The following C13orf42 variants were observed in gnomAD, a reference collection of about 807,000 sequenced individuals.
The protein encoded by C13orf42 is chromosome 13 open reading frame 42.
chr13:51,089,318 G>A (rs1566122764), intron 1 of C13orf42, among the ~76,000 whole-genome samples: 1 of 152,148 alleles, frequency 6.6e-6, no homozygotes, highest in African/African-American at 2.4e-5. Context: ...AGAGGAAGAT[G>A]TTGAAGGACC....
chr13:51,166,481 A>C, intron 1 of C13orf42, among the ~76,000 whole-genome samples: 1 of 144,962 alleles, frequency 6.9e-6, no homozygotes, highest in Non-Finnish European at 1.5e-5. Flanking sequence ...ATCGGGAGAC[A>C]TACCTAATGC....
intron 1 of C13orf42, among the ~76,000 whole-genome samples, chr13:51,142,937 T>C (rs1280081662): frequency 3.3e-5 from 5 of 152,190 alleles, no homozygotes. Context: ...TAAGAGGATC[T>C]ATATATTTTT....
intron 1 of C13orf42, among the ~76,000 whole-genome samples, chr13:51,093,636 T>C (rs1953202287): frequency 6.6e-6 from 1 of 152,214 alleles, no homozygotes; most frequent in Non-Finnish European, 1.5e-5. Flanking sequence ...CATATTTTCC[T>C]GTTTCGTGCG....
chr13:51,125,439 T>A (rs1405231726), intron 1 of C13orf42, among the ~76,000 whole-genome samples: 3 of 152,128 alleles, frequency 2.0e-5, no homozygotes, highest in African/African-American at 4.8e-5. Flanking sequence ...AGAATGTATA[T>A]TTTATCCCTA....
At chr13:51,171,980 A>T (rs2138058269) in intron 1 of C13orf42, 1 of 152,324 alleles carries the variant, frequency 6.6e-6, no homozygotes, top group Non-Finnish European at 1.5e-5. Flanking sequence ...GGATTTAATT[A>T]ACCTCACCTT....
intron 1 of C13orf42, among the ~76,000 whole-genome samples, chr13:51,145,808 A>G (rs546556392): frequency 1.4e-3 from 217 of 152,232 alleles, no homozygotes; most frequent in African/African-American, 4.9e-3. Flanking sequence ...AAGTTATCCC[A>G]CCTTTCCAGA....
At position 51,167,858 on chromosome 13, in the gene C13orf42, T is replaced by C. The variant is rs113167587; in HGVS notation, n.136+4395A>G. Among the ~76,000 whole-genome samples the C allele has an allele frequency of 3.2e-3, 488 of 152,342 alleles. 2 individuals are homozygous for C. The highest frequency in any genetic ancestry group is 0.011 in the African/African-American group (477 of 41,578). On this transcript the variant is annotated intron_variant and non_coding_transcript_variant, in intron 1 of 4. Coordinates refer to the C13orf42 transcript ENST00000433280. ...TCTAACTTGATTGCCAGGCTTTGGT[T>C]GTATTGTACATCCTGCTGCCTTGTG...
Position 51,111,134 on chromosome 13 carries a change from C to T in C13orf42, c.76G>A (p.Gly26Arg). The T allele has an allele frequency of 5.0e-6, 2 of 398,644 alleles. No homozygotes were observed. The highest frequency in any genetic ancestry group is 8.8e-6 in the Non-Finnish European group (2 of 226,094). The allele number at this position is 398,644 out of a possible 1,614,324, so 24.7% of individuals were successfully genotyped here. ...ATCAGCTTCACTGCGGGGCTGGCTCCTTCGTAGAAGGGGCTCTCGGCCGCC... is the reference window on the plus strand; with the variant it reads ...ATCAGCTTCACTGCGGGGCTGGCTCTTTCGTAGAAGGGGCTCTCGGCCGCC... ...KTAAESPFYE[G>R]ASPAVKLIRS... The change falls in exon 1 of 4, where the codon GGA (glycine) becomes AGA (arginine). Residue 26 changes from glycine (G) to arginine (R), a missense_variant. Transcript: ENST00000563710.
intron 1 of C13orf42, among the ~76,000 whole-genome samples, chr13:51,170,302 C>T (rs908757429): frequency 2.6e-5 from 4 of 152,178 alleles, no homozygotes; most frequent in African/African-American, 7.2e-5. Context: ...TCTCTTCACA[C>T]GGACGCGCAT....
intron 1 of C13orf42, among the ~76,000 whole-genome samples, chr13:51,119,860 G>A (rs569656106): frequency 6.6e-6 from 1 of 152,098 alleles, no homozygotes; most frequent in South Asian, 2.1e-4. Flanking sequence ...TGTACTTAAC[G>A]CCACTAAATT....
chr13:51,155,013 G>A (rs1294815853), intron 1 of C13orf42, among the ~76,000 whole-genome samples: 1 of 152,076 alleles, frequency 6.6e-6, no homozygotes, highest in Non-Finnish European at 1.5e-5. Context: ...TTTTTAATAG[G>A]TACATATTCA....
intron 1 of C13orf42, among the ~76,000 whole-genome samples, chr13:51,129,066 G>C (rs1297561512): frequency 6.6e-6 from 1 of 152,152 alleles, no homozygotes; most frequent in Non-Finnish European, 1.5e-5. Context: ...ATCATGCCTA[G>C]AACTACTCTC....
intron 1 of C13orf42, among the ~76,000 whole-genome samples, chr13:51,099,459 A>T (rs1404102615): frequency 6.6e-6 from 1 of 152,238 alleles, no homozygotes; most frequent in Non-Finnish European, 1.5e-5. Context: ...AAGAGATAAA[A>T]ATAAGAAGTT....
intron 1 of C13orf42, among the ~76,000 whole-genome samples, chr13:51,096,958 ATCATT>A (rs1953240624): frequency 6.6e-6 from 1 of 152,124 alleles, no homozygotes; most frequent in African/African-American, 2.4e-5. Context: ...TTATCTTTCT[ATCATT>A]TCTTCGAAAA....
intron 1 of C13orf42, among the ~76,000 whole-genome samples, chr13:51,104,238 AATT>A (rs1233357066): frequency 6.6e-6 from 1 of 152,256 alleles, no homozygotes; most frequent in East Asian, 1.9e-4. Flanking sequence ...CCTTTGGATG[AATT>A]ATTATACACT....
chr13:51,133,461 T>C (rs1953634315), intron 1 of C13orf42, among the ~76,000 whole-genome samples: 1 of 152,362 alleles, frequency 6.6e-6, no homozygotes, highest in East Asian at 1.9e-4. Flanking sequence ...ATGGTTAAAA[T>C]TGTGAATTTT....
chr13:51,167,978 T>C (rs1268150087), intron 1 of C13orf42, among the ~76,000 whole-genome samples: 3 of 152,238 alleles, frequency 2.0e-5, no homozygotes, highest in Non-Finnish European at 4.4e-5. Context: ...TCAGTGTGTA[T>C]GTCCGGCCAG....
upstream of C13orf42, among the ~76,000 whole-genome samples, chr13:51,114,334 G>A (rs1370724064): frequency 6.6e-6 from 1 of 152,112 alleles, no homozygotes; most frequent in Non-Finnish European, 1.5e-5. Flanking sequence ...ATTTCATAGG[G>A]CTGGTGTAAT....
chr13:51,128,067 G>C (rs1471693466), intron 1 of C13orf42, among the ~76,000 whole-genome samples: 1 of 152,198 alleles, frequency 6.6e-6, no homozygotes, highest in Non-Finnish European at 1.5e-5. Context: ...ACTCCCATCA[G>C]CACCATGAGA....
Sources: allele counts gnomAD v4.1 joint callset (sites outside exome capture counted in the v4.1 genomes callset), GRCh38; gene constraint gnomAD v4.1.1; transcripts MANE v1.5; gene names NCBI Gene and HGNC (gene_info 2026-07-23, HGNC 2026-07-21).